ARMC10: variants seen among roughly 807,000 people sequenced by gnomAD.
The protein encoded by ARMC10 is armadillo repeat-containing protein 10.
Under a neutral mutation model 30.2 loss-of-function variants are expected in ARMC10, and 23 were observed. That is an observed-to-expected ratio of 0.76 (90% CI 0.55 to 1.08). The LOEUF (loss-of-function observed/expected upper bound fraction) is 1.08, where lower values mean the gene tolerates loss of function less well. Ranked by LOEUF, ARMC10 falls within the 50% of genes least tolerant of loss-of-function variation. ARMC10 has a pLI of 0.00. For missense variants in ARMC10, 303 were observed against 413.7 expected, an observed-to-expected ratio of 0.73 and a Z score of 2.32; for synonymous variants, 111 against 164.4, an observed-to-expected ratio of 0.68 and a Z score of 2.48.
chr7:103,098,538 A>T lies in ARMC10; in HGVS notation c.1017A>T (p.Ile339=). ...AGGTGAAGGAAAAGGTTGTAACAAT[A>T]ATACCCAAAATCTGATTGGTCATAT... is the stretch of plus-strand genomic sequence containing the variant. The part of the protein sequence containing the change: ...DAEVKEKVVT[I]IPKI Residue 339 remains isoleucine (I), a synonymous_variant, in exon 7 of 7, where the codon ATA becomes ATT. Coordinates refer to ENST00000323716, the MANE Select transcript of ARMC10 (RefSeq NM_031905.5). 6.4e-7 allele frequency: 1 copy of T among 1,571,134 alleles called. No individual in the cohort carries two copies. Among genetic ancestry groups the T allele is most frequent in the Non-Finnish European group, 8.6e-7 (1 of 1,160,240 alleles).
Position 103,086,650 on chromosome 7 carries a change from T to G in ARMC10, c.414T>G (p.Gly138=), listed in dbSNP as rs199803039. The G allele has an allele frequency of 1.3e-6, 2 of 1,586,654 alleles. No individual in the cohort carries two copies. Among genetic ancestry groups the G allele is most frequent in the East Asian group, 2.3e-5 (1 of 44,250 alleles). ...CGTAGGCTATTATTCGTGAATTGGG[T>G]GGTATTCCAATTGTTGCAAACAAAA... ...SVNQAIIREL[G]GIPIVANKIN... Residue 138 remains glycine, a synonymous_variant, in exon 4 of 7, where the codon GGT becomes GGG. Transcript: ENST00000323716.
intron 6 of ARMC10, 82 bp from the exon 7 acceptor site, chr7:103,098,217 T>C: frequency 8.5e-7 from 1 of 1,171,286 alleles, no homozygotes; most frequent in Non-Finnish European, 1.1e-6. Flanking sequence ...TTATTCAATG[T>C]AGTTTTAAAA....
At chr7:103,093,443 T>A (rs1239817644) in intron 5 of ARMC10, among the ~76,000 whole-genome samples, 1 of 152,232 alleles carries the variant, frequency 6.6e-6, no homozygotes, top group South Asian at 2.1e-4. Context: ...AGAGTCTTAC[T>A]GTAGTCCTGC....
chr7:103,083,270 A>C (rs1259744179), intron 2 of ARMC10: 1 of 404,888 alleles, frequency 2.5e-6, no homozygotes, highest in African/African-American at 2.1e-5. Context: ...TAAGGATGTA[A>C]AGTGCTTAAT....
intron 6 of ARMC10, 93 bp downstream of exon 6, chr7:103,097,441 A>G: frequency 2.1e-6 from 2 of 946,342 alleles, no homozygotes; most frequent in Non-Finnish European, 3.3e-6. Flanking sequence ...AAATGTTAAC[A>G]GGGATTCTCT....
intron 2 of ARMC10, chr7:103,083,147 C>T (rs1310467952): frequency 2.2e-6 from 1 of 456,660 alleles, no homozygotes; most frequent in Admixed American, 2.3e-5. Flanking sequence ...ATAGTATTTG[C>T]ATGAAGTGTC....
chr7:103,076,237 TAAA>T (rs1799801673), intron 2 of ARMC10, among the ~76,000 whole-genome samples: 1 of 152,180 alleles, frequency 6.6e-6, no homozygotes, highest in Non-Finnish European at 1.5e-5. Context: ...GTTCTCAAGA[TAAA>T]AAATAATTTG....
intron 3 of ARMC10, among the ~76,000 whole-genome samples, chr7:103,085,494 G>A (rs4729872): frequency 0.9 from 136,665 of 152,202 alleles, 63,159 homozygotes; most frequent in East Asian, 1. Context: ...GAATTAAAGC[G>A]ATTTAATTCT....
rs573243101 is a variant in ARMC10, at chr7:103,075,628, G to A, written c.140-149G>A. The A allele has an allele frequency of 3.1e-5, 26 of 847,548 alleles. No homozygotes were observed. The Admixed American group carries it at 6.0e-4, about 19-fold the overall frequency. The allele number at this position is 847,548 out of a possible 1,614,324, so 52.5% of individuals were successfully genotyped here. On this transcript the variant is annotated intron_variant, in intron 1 of 6. Coordinates refer to ENST00000323716, the MANE Select transcript of ARMC10 (RefSeq NM_031905.5). ...CCTGGCTTTCCTGCCTGAGCTCCGC[G>A]TCACAGCGGAGGATTAGATTTCTTA...
chr7:103,096,133 C>T (rs1342433718), intron 5 of ARMC10: 2 of 152,168 alleles, frequency 1.3e-5, no homozygotes, highest in Non-Finnish European at 2.9e-5. Context: ...TTATTACTGA[C>T]TTTTCAGTTA....
chr7:103,088,775 C>T, intron 4 of ARMC10: 1 of 183,308 alleles, frequency 5.5e-6, no homozygotes, highest in Admixed American at 5.5e-5. Flanking sequence ...TTTCAGCCAA[C>T]CAATTTCCAT....
rs1399487808 is a variant in ARMC10 at position 103,075,797 on chromosome 7, T to A, written c.160T>A (p.Ser54Thr). 3 of 1,609,838 alleles carry A rather than the reference T, an allele frequency of 1.9e-6. No individual in the cohort carries two copies. Among genetic ancestry groups the A allele is most frequent in the Non-Finnish European group, 2.5e-6 (3 of 1,178,280 alleles). The change falls in exon 2 of 7, where the codon TCA becomes ACA. Residue 54 changes from serine to threonine, a missense_variant. Coordinates refer to ENST00000323716, the MANE Select transcript of ARMC10 (RefSeq NM_031905.5). ...TGCAGGTGCCCTGGAAGAAGGGACG[T>A]CAGAGGGTCAGTTGTGCGGGCGCTC... The part of the protein sequence containing the change: ...KSAGALEEGT[S>T]EGQLCGRSAR...
intron 3 of ARMC10, among the ~76,000 whole-genome samples, chr7:103,086,322 A>G (rs1039467361): frequency 6.6e-6 from 1 of 152,202 alleles, no homozygotes; most frequent in African/African-American, 2.4e-5. Flanking sequence ...CATCTCAAAG[A>G]AAAATAATTT....
At chr7:103,085,414 T>C (rs896465971) in intron 3 of ARMC10, among the ~76,000 whole-genome samples, 2 of 152,228 alleles carry the variant, frequency 1.3e-5, no homozygotes, top group South Asian at 4.1e-4. Context: ...TGGCAGTCTT[T>C]TTCTTTTTTC....
chr7:103,092,938 T>A (rs774504362), intron 5 of ARMC10, among the ~76,000 whole-genome samples: 1 of 152,186 alleles, frequency 6.6e-6, no homozygotes, highest in African/African-American at 2.4e-5. Flanking sequence ...GTAATAGTAG[T>A]GGTTAGTTGA....
In ARMC10 at chr7:103,085,261, TA is replaced by T. The variant is rs1008046798; in HGVS notation, c.394-1355del. 8.6e-3 allele frequency among the ~76,000 whole-genome samples: 1,178 copies of T among 137,586 alleles called. 15 individuals are homozygous for T. Among genetic ancestry groups the T allele is most frequent in the African/African-American group, 0.024 (903 of 37,524 alleles). 90.3% of individuals were successfully genotyped at this position (137,586 alleles called of 152,430 possible). A position where few individuals can be genotyped will look rare whatever the true frequency, so the allele number is the denominator to read the frequency against. On this transcript the variant is annotated intron_variant, in intron 3 of 6. Transcript: ENST00000323716. ...CCTTAATCTGCTTTAACAATACAGTTAAAAAAAAAAAAAACTTTTCTAGTAA... is the reference window on the plus strand; with the variant it reads ...CCTTAATCTGCTTTAACAATACAGTTAAAAAAAAAAAAACTTTTCTAGTAA...
intron 4 of ARMC10, among the ~76,000 whole-genome samples, chr7:103,090,684 A>ATGGGGTCTCACCGTGTTGACC (rs1488020188): frequency 1.3e-5 from 2 of 150,046 alleles, no homozygotes; most frequent in Non-Finnish European, 2.9e-5. Context: ...TTTAATAGAT[A>ATGGGGTCTCACCGTGTTGACC]TGGGGTCTCA....
rs543345292 is a variant in ARMC10 at position 103,093,585 on chromosome 7, C to T, written c.705+932C>T. On this transcript the variant is annotated intron_variant, in intron 5 of 6. Transcript: ENST00000323716. Reference sequence around the variant, plus strand: ...AGAGTAGTCTTCTAGCAATATTGCACCATTCCCAGGCAGTTTCCAACGTGC... The same window carrying T: ...AGAGTAGTCTTCTAGCAATATTGCATCATTCCCAGGCAGTTTCCAACGTGC... 2.6e-5 allele frequency among the ~76,000 whole-genome samples: 4 copies of T among 152,328 alleles called. No individual in the cohort carries two copies. The South Asian group carries it at 6.2e-4, about 24-fold the overall frequency.
intron 3 of ARMC10, among the ~76,000 whole-genome samples, chr7:103,084,712 G>A (rs755244832): frequency 6.6e-6 from 1 of 152,138 alleles, no homozygotes; most frequent in South Asian, 2.1e-4. Context: ...GCTTATGGCC[G>A]CTCAATTTTA....
Sources: allele counts gnomAD v4.1 joint callset (sites outside exome capture counted in the v4.1 genomes callset), GRCh38; gene constraint gnomAD v4.1.1; transcripts MANE v1.5; gene names NCBI Gene and HGNC (gene_info 2026-07-23, HGNC 2026-07-21).